Variants in WDR33 observed in about 807,000 individuals in gnomAD.
WDR33 encodes WD repeat domain 33, also known as pre-mRNA 3' end processing protein WDR33.
A neutral mutation model predicts 164.9 loss-of-function variants in WDR33; 47 were observed. The observed-to-expected ratio is 0.29, with a 90% CI of 0.23 to 0.36. The LOEUF (loss-of-function observed/expected upper bound fraction) is 0.36. Ranked by LOEUF, WDR33 falls within the 10% of genes least tolerant of loss-of-function variation. The pLI is 1.00. For missense variants in WDR33, 1,137 were observed against 1,754.1 expected, an observed-to-expected ratio of 0.65 and a Z score of 6.28; for synonymous variants, 505 against 589.0, an observed-to-expected ratio of 0.86 and a Z score of 2.06.
At chr2:127,731,903 T>C (rs1309689278) in intron 7 of WDR33, among the ~76,000 whole-genome samples, 1 of 152,042 alleles carries the variant, frequency 6.6e-6, no homozygotes, top group Non-Finnish European at 1.5e-5. Context: ...CTGGGCAACA[T>C]AGTGAGACCC....
In WDR33 at chr2:127,735,336, G is replaced by A; in HGVS notation, c.725-8559C>T. On this transcript the variant is annotated intron_variant, in intron 7 of 21. Coordinates refer to ENST00000322313, the MANE Select transcript of WDR33 (RefSeq NM_018383.5). This position sits in a 1 kb window ranked among gnomAD's most constrained non-coding sequence, Gnocchi z 4.3. ...GTTACCCCAAGCCCCTAAATAACCT[G>A]TCTTGAGACAGTCCATAGGATCCCA... 2 of 978,410 alleles carry A rather than the reference G, an allele frequency of 2.0e-6. No individual in the cohort carries two copies. The highest frequency in any genetic ancestry group is 2.4e-6 in the Non-Finnish European group (2 of 823,404). The allele number at this position is 978,410 out of a possible 1,614,324, so 60.6% of individuals were successfully genotyped here.
At position 127,716,714 on chromosome 2, in the gene WDR33, T is replaced by C. The variant is rs1686311288; in HGVS notation, c.2869+441A>G. 1.3e-5 allele frequency among the ~76,000 whole-genome samples: 2 copies of C among 152,382 alleles called. No individual in the cohort carries two copies. The highest frequency in any genetic ancestry group is 2.1e-4 in the South Asian group (1 of 4,830). On this transcript the variant is annotated intron_variant, in intron 17 of 21. Transcript: ENST00000322313. The surrounding 1 kb of genome is among the most constrained non-coding windows in gnomAD (Gnocchi z 4.5). Reference sequence around the variant, plus strand: ...GCTAGAGTGCTTTCTTCTTTTCAAATGGTGCACAACTACATAACCAGCTGA... The same window carrying C: ...GCTAGAGTGCTTTCTTCTTTTCAAACGGTGCACAACTACATAACCAGCTGA...
rs548171166 is a variant in WDR33 at position 127,702,797 on chromosome 2, A to T, written c.*3526T>A. On this transcript the variant is annotated 3_prime_UTR_variant, in exon 22 of 22. Transcript: ENST00000322313. Reference sequence around the variant, plus strand: ...GAAAGGAAAATTAGTTGTGTATTTCACGACGAAAGCGACGGACCAAAAGAA... The same window carrying T: ...GAAAGGAAAATTAGTTGTGTATTTCTCGACGAAAGCGACGGACCAAAAGAA... 4.2e-5 allele frequency: 7 copies of T among 167,192 alleles called. No individual in the cohort carries two copies. The South Asian group carries it at 1.4e-3, about 35-fold the overall frequency. 10.4% of individuals were successfully genotyped at this position (167,192 alleles called of 1,614,324 possible).
chr2:127,768,898 G>A (rs373134340), intron 3 of WDR33, 35 bp downstream of exon 3: 7 of 1,526,574 alleles, frequency 4.6e-6, no homozygotes, highest in East Asian at 2.3e-5. Context: ...GCAAGGAAGT[G>A]TTTATTAAGC....
At chr2:127,783,588 T>C (rs982798405) in intron 1 of WDR33, among the ~76,000 whole-genome samples, 1 of 150,784 alleles carries the variant, frequency 6.6e-6, no homozygotes, top group African/African-American at 2.5e-5. Flanking sequence ...AGCTATTTTA[T>C]TTCAGGACTC....
intron 1 of WDR33, among the ~76,000 whole-genome samples, chr2:127,809,684 C>T (rs1689577996): frequency 6.6e-6 from 1 of 152,094 alleles, no homozygotes; most frequent in South Asian, 2.1e-4. Flanking sequence ...GATCCGCCCA[C>T]CCTGGCGTCC....
Position 127,764,729 on chromosome 2 carries a change from A to C in WDR33, c.626+99T>G, listed in dbSNP as rs1311913426. The C allele has an allele frequency of 1.9e-6, 3 of 1,613,974 alleles. No individual in the cohort carries two copies. The highest frequency in any genetic ancestry group is 1.3e-5 in the African/African-American group (1 of 74,924). ...TATAGGGTGCAGAAAGTTTCCCAGA[A>C]ACTGACAGAGCCCATGCATCTCTGC... is the stretch of plus-strand genomic sequence containing the variant. On this transcript the variant is annotated intron_variant, in intron 6 of 21. Coordinates refer to ENST00000322313, the MANE Select transcript of WDR33 (RefSeq NM_018383.5). This position sits in a 1 kb window ranked among gnomAD's most constrained non-coding sequence, Gnocchi z 6.2.
Position 127,720,504 on chromosome 2 carries a change from A to C in WDR33, c.1672-151T>G. ...TCCAGTGGTAATTAGAGTCCATGCAACACTCAAGCACTGTAAGGAGTTTTA... is the reference window on the plus strand; with the variant it reads ...TCCAGTGGTAATTAGAGTCCATGCACCACTCAAGCACTGTAAGGAGTTTTA... On this transcript the variant is annotated intron_variant, in intron 15 of 21. Coordinates refer to ENST00000322313, the MANE Select transcript of WDR33 (RefSeq NM_018383.5). This position sits in a 1 kb window ranked among gnomAD's most constrained non-coding sequence, Gnocchi z 5.9. 2.2e-6 allele frequency: 2 copies of C among 892,884 alleles called. No individual in the cohort carries two copies. Among genetic ancestry groups the C allele is most frequent in the Non-Finnish European group, 3.1e-6 (2 of 652,450 alleles). 55.3% of individuals were successfully genotyped at this position (892,884 alleles called of 1,614,324 possible). A position where few individuals can be genotyped will look rare whatever the true frequency, so the allele number is the denominator to read the frequency against.
At position 127,709,457 on chromosome 2, in the gene WDR33, T is replaced by C; in HGVS notation, c.3565+33A>G. 6.2e-7 allele frequency: 1 copy of C among 1,607,898 alleles called. No individual in the cohort carries two copies. Among genetic ancestry groups the C allele is most frequent in the Non-Finnish European group, 8.5e-7 (1 of 1,174,614 alleles). ...AGAACTCACTTTGTGAACTGCAGTC[T>C]AGAGTTACCCAACAAGCGGTTCTTT... On this transcript the variant is annotated intron_variant, in intron 20 of 21. Transcript: ENST00000322313. This position sits in a 1 kb window ranked among gnomAD's most constrained non-coding sequence, Gnocchi z 5.0.
At position 127,753,308 on chromosome 2, in the gene WDR33, C is replaced by T. The variant is rs79657659; in HGVS notation, c.724+9754G>A. Among the ~76,000 whole-genome samples, 292 of 152,354 alleles carry T rather than the reference C, an allele frequency of 1.9e-3. 8 individuals are homozygous for T. The East Asian group carries it at 0.053, about 28-fold the overall frequency. Reference sequence around the variant, plus strand: ...ATCTAAAAACACTAAAAAATCATGACAGCTTTGTTTAAACAAGTAGTCATA... The same window carrying T: ...ATCTAAAAACACTAAAAAATCATGATAGCTTTGTTTAAACAAGTAGTCATA... On this transcript the variant is annotated intron_variant, in intron 7 of 21. Transcript: ENST00000322313.
At chr2:127,732,136 C>T (rs960786125) in intron 7 of WDR33, among the ~76,000 whole-genome samples, 2 of 151,016 alleles carry the variant, frequency 1.3e-5, no homozygotes, top group Admixed American at 1.3e-4. Flanking sequence ...CACACACACA[C>T]ACACACACAC....
At chr2:127,758,308 T>C (rs926107023) in intron 7 of WDR33, among the ~76,000 whole-genome samples, 2 of 152,164 alleles carry the variant, frequency 1.3e-5, no homozygotes, top group Non-Finnish European at 2.9e-5. Flanking sequence ...TTTTAAAACA[T>C]AAAAGAGGCA....
At chr2:127,792,404 T>A (rs963338016) in intron 1 of WDR33, among the ~76,000 whole-genome samples, 4 of 151,644 alleles carry the variant, frequency 2.6e-5, no homozygotes, top group African/African-American at 9.7e-5. Context: ...CTCACGCCTA[T>A]AATCCCAGCA....
Position 127,713,692 on chromosome 2 carries a change from G to T in WDR33, c.3199C>A (p.Arg1067=), listed in dbSNP as rs757410145. The T allele has an allele frequency of 2.5e-6, 4 of 1,614,068 alleles. 1 individual carries two copies. In the South Asian group the frequency reaches 4.4e-5, roughly 18 times the overall value. The change falls in exon 18 of 22, where the codon CGG becomes AGG. Residue 1067 remains arginine (R), a synonymous_variant. Coordinates refer to ENST00000322313, the MANE Select transcript of WDR33 (RefSeq NM_018383.5). This position sits in a 1 kb window ranked among gnomAD's most constrained non-coding sequence, Gnocchi z 6.2. ...CCCGGAGGGCCTCGGGCTGCACCCC[G>T]GCCATCCCCCTCGCTGAATTCCCTG... The part of the protein sequence containing the change: ...DHREFSEGDG[R]GAARGPPGAW...
At chr2:127,780,989 T>C (rs577502716) in intron 1 of WDR33, among the ~76,000 whole-genome samples, 53 of 152,252 alleles carry the variant, frequency 3.5e-4, no homozygotes, top group African/African-American at 1.2e-3. Context: ...GCCTCCCAAG[T>C]AGCTGGGACT....
intron 7 of WDR33, among the ~76,000 whole-genome samples, chr2:127,746,960 T>C (rs705093): frequency 0.64 from 98,016 of 152,118 alleles, 33,996 homozygotes; most frequent in African/African-American, 0.9. Context: ...CAGCATCAAT[T>C]CTGGTAAATG....
rs559693321 is a variant in WDR33, at chr2:127,703,782, TATA to T, written c.*2538_*2540del. 6.0e-5 allele frequency: 10 copies of T among 167,226 alleles called. No homozygotes were observed. The South Asian group carries it at 1.9e-3, about 31-fold the overall frequency. The allele number at this position is 167,226 out of a possible 1,614,324, so 10.4% of individuals were successfully genotyped here. ...TAGAACTTGCAATAGTTGGGGGTTT[TATA>T]ATGATGTTTTACAATGTTTATTTCT... On this transcript the variant is annotated 3_prime_UTR_variant, in exon 22 of 22. Transcript: ENST00000322313.
rs1347495728 is a variant in WDR33, at chr2:127,712,078, A to G, written c.3308+1505T>C. On this transcript the variant is annotated intron_variant, in intron 18 of 21. Transcript: ENST00000322313. The surrounding 1 kb of genome is among the most constrained non-coding windows in gnomAD (Gnocchi z 4.0). ...TGAGCCACTGTGCCCGGCCTTAACC[A>G]TCTATTCACAAGAAGAGTAAGAAAT... Among the ~76,000 whole-genome samples the G allele has an allele frequency of 6.6e-6, 1 of 151,560 alleles. No individual in the cohort carries two copies. Among genetic ancestry groups the G allele is most frequent in the East Asian group, 2.0e-4 (1 of 5,094 alleles).
intron 1 of WDR33, among the ~76,000 whole-genome samples, chr2:127,784,185 T>C (rs753378990): frequency 5.3e-5 from 8 of 152,142 alleles, no homozygotes; most frequent in Non-Finnish European, 1.0e-4. Context: ...CAATATGTTA[T>C]TTAAGTATAT....
Sources: gnomAD v4.1 joint callset for allele counts (sites outside exome capture counted in the v4.1 genomes callset) on GRCh38, gnomAD v4.1.1 for gene constraint, Gnocchi (gnomAD v3.1) non-coding constraint, MANE v1.5 for transcripts, NCBI Gene and HGNC (gene_info 2026-07-23, HGNC 2026-07-21) for gene names.